Variants in SSRP1 observed in about 807,000 individuals in gnomAD.
SSRP1 encodes FACT complex subunit SSRP1.
In SSRP1, 21 loss-of-function variants were observed where a neutral mutation model predicts 84.4. The observed-to-expected ratio is 0.25, with a 90% CI of 0.18 to 0.36. SSRP1 has a LOEUF of 0.36. Ranked by LOEUF, SSRP1 falls within the 10% of genes least tolerant of loss-of-function variation. SSRP1 has a pLI of 1.00. For missense variants in SSRP1, 519 were observed against 900.8 expected (o/e 0.58, Z 5.43); for synonymous variants, 319 against 318.3 (o/e 1.00, Z -0.02).
chr11:57,333,221 T>G, intron 4 of SSRP1, 72 bp from the exon 5 acceptor site: 2 of 1,501,456 alleles, frequency 1.3e-6, no homozygotes, highest in South Asian at 2.5e-5. Flanking sequence ...CCCACCAAAC[T>G]GAGTTCCACA....
intron 14 of SSRP1, 81 bp from the exon 15 acceptor site, chr11:57,327,595 C>T (rs552172129): frequency 1.6e-5 from 25 of 1,603,816 alleles, no homozygotes; most frequent in African/African-American, 9.4e-5. Context: ...AAAATCGATA[C>T]AGAAAGTCCC....
intron 2 of SSRP1, 114 bp from the exon 3 acceptor site, chr11:57,334,762 A>G (rs1202275214): frequency 6.3e-6 from 8 of 1,267,496 alleles, no homozygotes; most frequent in Non-Finnish European, 7.7e-6. Context: ...TTATCAATGC[A>G]GGAGCAACAG....
chr11:57,330,095 C>T lies in SSRP1; in HGVS notation c.1479G>A (p.Glu493=), dbSNP rs1424303401. ...CACAAGGTACCACCAAAACTCACTC[C>T]TCTGCCACATCTTCCTCCTCTTCAC... ...NPGEEEEDVA[E]EFDSNASASS... is the part of the protein sequence containing the mutation. The change falls in exon 12 of 17, where the codon GAG becomes GAA. Residue 493 remains glutamate, a splice_region_variant and synonymous_variant. Coordinates refer to ENST00000278412, the MANE Select transcript of SSRP1 (RefSeq NM_003146.3). This position sits in a 1 kb window ranked among gnomAD's most constrained non-coding sequence, Gnocchi z 4.0. 6.2e-7 allele frequency: 1 copy of T among 1,614,224 alleles called. No homozygotes were observed. Among genetic ancestry groups the T allele is most frequent in the East Asian group, 2.2e-5 (1 of 44,890 alleles).
intron 8 of SSRP1, 92 bp from the exon 9 acceptor site, chr11:57,331,981 G>A (rs375496964): frequency 5.4e-5 from 80 of 1,492,664 alleles, no homozygotes; most frequent in Non-Finnish European, 6.7e-5. Flanking sequence ...TCATGTCCTC[G>A]ACTAAGTAAA....
At position 57,328,333 on chromosome 11, in the gene SSRP1, C is replaced by T. The variant is rs770461992; in HGVS notation, c.1575G>A (p.Met525Ile). 6.8e-6 allele frequency: 11 copies of T among 1,614,222 alleles called. No homozygotes were observed. The highest frequency in any genetic ancestry group is 2.2e-5 in the East Asian group (1 of 44,882). ...TCTTGCGGCTCTTGCGGTCCTTGGCCATCTTGGCCTTTTTGAGCTGTTTCC... is the reference window on the plus strand; with the variant it reads ...TCTTGCGGCTCTTGCGGTCCTTGGCTATCTTGGCCTTTTTGAGCTGTTTCC... The part of the protein sequence containing the change: ...KKRKQLKKAK[M>I]AKDRKSRKKP... Residue 525 changes from methionine to isoleucine, a missense_variant, in exon 13 of 17, where the codon ATG (methionine) becomes ATA (isoleucine). Physicochemically the swap from Met to Ile is conservative, Grantham distance 10 (BLOSUM62 1). Coordinates refer to ENST00000278412, the MANE Select transcript of SSRP1 (RefSeq NM_003146.3).
At chr11:57,328,739 C>T (rs917174057) in intron 12 of SSRP1, 11 of 258,876 alleles carry the variant, frequency 4.2e-5, no homozygotes, top group Non-Finnish European at 7.3e-5. Context: ...CCCAGGACAC[C>T]ACTGGCAGAA....
chr11:57,330,426 T>C lies in SSRP1; in HGVS notation c.1300A>G (p.Met434Val). 6.2e-7 allele frequency: 1 copy of C among 1,613,920 alleles called. No individual in the cohort carries two copies. The stretch of plus-strand genomic sequence containing the variant: ...GCATATTCATCGTAGCTTGGGTTCA[T>C]GCCCTAGCCAGGGAAGAGTTCACGG... ...NIKNRGLKEG[M>V]NPSYDEYADS... Residue 434 changes from methionine (M) to valine (V), a missense_variant, in exon 11 of 17, where the codon ATG becomes GTG. Met to Val is a conservative substitution (Grantham distance 21, BLOSUM62 1). Around this residue, in one of 7 missense-constraint regions of SSRP1, gnomAD observed 34 missense variants for 34.3 expected, o/e 0.99. Transcript: ENST00000278412. The surrounding 1 kb of genome is among the most constrained non-coding windows in gnomAD (Gnocchi z 4.0).
At chr11:57,328,261 G>A in intron 13 of SSRP1, 36 bp downstream of exon 13, 1 of 1,610,454 alleles carries the variant, frequency 6.2e-7, no homozygotes, top group African/African-American at 1.3e-5. Context: ...CCCACCCACT[G>A]CACCACACAC....
At position 57,326,865 on chromosome 11, in the gene SSRP1, TTTC is replaced by T. The variant is rs779882882; in HGVS notation, c.1893_1895del (p.Lys632del). ...ATTTCTTTTCCATCTTTACCTTTAC[TTTC>T]TTCTTCTTCTTTGACTTGTCCCTGT... On this transcript the variant is annotated inframe_deletion, in exon 16 of 17. Coordinates refer to ENST00000278412, the MANE Select transcript of SSRP1 (RefSeq NM_003146.3). 3.9e-5 allele frequency: 63 copies of T among 1,611,204 alleles called. No homozygotes were observed. Among genetic ancestry groups the T allele is most frequent in the Middle Eastern group, 1.6e-4 (1 of 6,080 alleles).
chr11:57,327,542 A>G, intron 14 of SSRP1, 28 bp from the exon 15 acceptor site: 1 of 1,613,392 alleles, frequency 6.2e-7, no homozygotes, highest in Non-Finnish European at 8.5e-7. Flanking sequence ...AAAAACAGTT[A>G]AGAATAAGAC....
chr11:57,331,965 G>A lies in SSRP1; in HGVS notation c.1002-76C>T, dbSNP rs148812525. 5.3e-5 allele frequency: 79 copies of A among 1,498,248 alleles called. No individual in the cohort carries two copies. In the South Asian group the frequency reaches 7.5e-4, roughly 14 times the overall value. 92.8% of individuals were successfully genotyped at this position (1,498,248 alleles called of 1,614,324 possible). ...AGGGCGTATCTAGCAGCAGCGACAC[G>A]AGTGCTCATGTCCTCGACTAAGTAA... On this transcript the variant is annotated intron_variant, in intron 8 of 16. Coordinates refer to ENST00000278412, the MANE Select transcript of SSRP1 (RefSeq NM_003146.3).
chr11:57,331,907 G>T lies in SSRP1; in HGVS notation c.1002-18C>A. On this transcript the variant is annotated intron_variant, in intron 8 of 16. Transcript: ENST00000278412. ...CTGAGTGCCTGACAGAGGGTGCAGG[G>T]AGCCTGGTTAGTGCCAACCTCAGCA... is the stretch of plus-strand genomic sequence containing the variant. 1 of 1,602,862 alleles carries T rather than the reference G, an allele frequency of 6.2e-7. No individual in the cohort carries two copies. Among genetic ancestry groups the T allele is most frequent in the South Asian group, 1.1e-5 (1 of 89,970 alleles).
chr11:57,333,613 A>T, intron 3 of SSRP1, 73 bp from the exon 4 acceptor site: 1 of 1,120,566 alleles, frequency 8.9e-7, no homozygotes, highest in South Asian at 1.3e-5. Flanking sequence ...ATGTCCTGGG[A>T]TTATCTATTT....
chr11:57,331,462 T>C (rs1214081231), intron 9 of SSRP1, among the ~76,000 whole-genome samples: 3 of 151,866 alleles, frequency 2.0e-5, no homozygotes, highest in African/African-American at 7.3e-5. Flanking sequence ...TTTTGTTTTG[T>C]TTTGTTTTGT....
At chr11:57,329,537 T>C (rs1433242178) in intron 12 of SSRP1, 1 of 161,994 alleles carries the variant, frequency 6.2e-6, no homozygotes, top group Non-Finnish European at 1.4e-5. Flanking sequence ...GTAAACCTAT[T>C]TTTAATTAAG....
In SSRP1 at chr11:57,332,576, A is replaced by C; in HGVS notation, c.768+49T>G. On this transcript the variant is annotated intron_variant, in intron 6 of 16. Transcript: ENST00000278412. The surrounding 1 kb of genome is among the most constrained non-coding windows in gnomAD (Gnocchi z 5.5). ...CACACCAGTGAGATCCATCTACTTA[A>C]CACTTAGGCAAAAACCAGGATTATC... is the stretch of plus-strand genomic sequence containing the variant. The C allele has an allele frequency of 6.2e-7, 1 of 1,604,832 alleles. No homozygotes were observed.
chr11:57,327,938 C>A, intron 13 of SSRP1, 56 bp from the exon 14 acceptor site: 1 of 1,579,208 alleles, frequency 6.3e-7, no homozygotes, highest in South Asian at 1.1e-5. Context: ...TACATTTTCC[C>A]AAATAAATTA....
In SSRP1 at chr11:57,333,154, G is replaced by A. The variant is rs373712699; in HGVS notation, c.347-5C>T. 4.4e-6 allele frequency: 7 copies of A among 1,604,260 alleles called. No homozygotes were observed. The highest frequency in any genetic ancestry group is 2.2e-5 in the East Asian group (1 of 44,762). ...TGTCAAAGGAAAGCAGCTGCCCTGT[G>A]AGGAAAGGGCTTATCCAGCCACAAG... On this transcript the variant is annotated splice_region_variant and splice_polypyrimidine_tract_variant and intron_variant, in intron 4 of 16. Transcript: ENST00000278412.
chr11:57,327,444 C>A lies in SSRP1; in HGVS notation c.1853G>T (p.Arg618Leu). The change falls in exon 15 of 17, where the codon CGA (arginine) becomes CTA (leucine). Residue 618 changes from arginine (R) to leucine (L), a missense_variant. By Grantham distance (102) the Arg-to-Leu change is moderately radical (BLOSUM62 -2). Transcript: ENST00000278412. Reference protein sequence around the residue: ...EKAMKEYEGGRGESSKRDKSK... With the variant: ...EKAMKEYEGGLGESSKRDKSK... The stretch of plus-strand genomic sequence containing the variant: ...CACTCACCTCTTAGAAGACTCGCCT[C>A]GGCCCCCTTCATATTCTTTCATGGC... The A allele has an allele frequency of 6.2e-7, 1 of 1,614,164 alleles. No homozygotes were observed. The highest frequency in any genetic ancestry group is 8.5e-7 in the Non-Finnish European group (1 of 1,180,038).
Sources: gnomAD v4.1 joint callset for allele counts (sites outside exome capture counted in the v4.1 genomes callset) on GRCh38, gnomAD v4.1.1 for gene constraint, gnomAD v4.1.1 regional missense constraint, Gnocchi (gnomAD v3.1) non-coding constraint, MANE v1.5 for transcripts, NCBI Gene and HGNC (gene_info 2026-07-23, HGNC 2026-07-21) for gene names.